Variants in GCH1 observed in about 807,000 individuals in gnomAD.
GCH1 encodes the protein GTP cyclohydrolase I.
In GCH1, 5 loss-of-function variants were observed where a neutral mutation model predicts 25.9. The ratio of observed to expected loss-of-function variants is 0.19; its 90% CI spans 0.10 to 0.41. The LOEUF (loss-of-function observed/expected upper bound fraction) is 0.41. Among genes scored for constraint, GCH1 ranks in the 10% least tolerant of loss-of-function variants. The probability of loss-of-function intolerance (pLI) is 1.00; values close to 1 mark genes in which losing one functional copy is unlikely to be tolerated. For missense variants in GCH1, 261 were observed against 336.5 expected (o/e 0.78, Z 1.75); for synonymous variants, 159 against 129.6 (o/e 1.23, Z -1.54).
At chr14:54,886,849 G>T (rs992179504) in intron 1 of GCH1, among the ~76,000 whole-genome samples, 1 of 152,068 alleles carries the variant, frequency 6.6e-6, no homozygotes, top group Non-Finnish European at 1.5e-5. Context: ...ACGCATCAGG[G>T]GTTATTGTAG....
At chr14:54,874,979 G>A (rs2040136905) in intron 1 of GCH1, among the ~76,000 whole-genome samples, 1 of 152,104 alleles carries the variant, frequency 6.6e-6, no homozygotes, top group Non-Finnish European at 1.5e-5. Context: ...CTGCTTTAAA[G>A]TTCATATGGA....
chr14:54,859,563 A>G, intron 3 of GCH1, 118 bp downstream of exon 3: 2 of 751,264 alleles, frequency 2.7e-6, no homozygotes, highest in South Asian at 2.8e-5. Context: ...AAGTTGCAAT[A>G]TGACTTCCAA....
Position 54,902,641 on chromosome 14 carries a change from G to A in GCH1, c.23C>T (p.Ala8Val). ...GGCGCCCCGCGGCTTCTCCGCCGGT[G>A]CCCGCACAGGGCCCTTCTCCATGGA... Reference protein sequence around the residue: MEKGPVRAPAEKPRGARC... With the variant: MEKGPVRVPAEKPRGARC... The change falls in exon 1 of 6, where the codon GCA (alanine) becomes GTA (valine). Residue 8 changes from alanine to valine, a missense_variant. Coordinates refer to ENST00000491895, the MANE Select transcript of GCH1 (RefSeq NM_000161.3). 1.3e-6 allele frequency: 2 copies of A among 1,482,918 alleles called. No individual in the cohort carries two copies. Among genetic ancestry groups the A allele is most frequent in the Non-Finnish European group, 1.8e-6 (2 of 1,121,586 alleles). 91.9% of individuals were successfully genotyped at this position (1,482,918 alleles called of 1,614,324 possible).
intron 3 of GCH1, among the ~76,000 whole-genome samples, chr14:54,850,778 T>G (rs2039717828): frequency 6.6e-6 from 1 of 152,182 alleles, no homozygotes; most frequent in African/African-American, 2.4e-5. Flanking sequence ...GGTTTCCAGC[T>G]TCATCCATGT....
chr14:54,845,846 T>C lies in GCH1; in HGVS notation c.548A>G (p.Glu183Gly). Residue 183 changes from glutamate (E) to glycine (G), a missense_variant, in exon 5 of 6, where the codon GAG becomes GGG. This residue lies in a region of GCH1 where 130 missense variants were observed against 184.1 expected (regional missense o/e 0.71). Transcript: ENST00000491895. Reference sequence around the variant, plus strand: ...TACAGCAATTTGTTTTGTAAGGCGCTCCTGAACTGTGGATGTGATAAGGAG... The same window carrying C: ...TACAGCAATTTGTTTTGTAAGGCGCCCCTGAACTGTGGATGTGATAAGGAG... ...EIYSRRLQVQ[E>G]RLTKQIAVAI... is the part of the protein sequence containing the mutation. 6.3e-7 allele frequency: 1 copy of C among 1,590,984 alleles called. No individual in the cohort carries two copies. The highest frequency in any genetic ancestry group is 8.6e-7 in the Non-Finnish European group (1 of 1,158,876).
rs765795942 is a variant in GCH1 at position 54,856,523 on chromosome 14, G to T, written c.509+3158C>A. Among the ~76,000 whole-genome samples, 3 of 152,112 alleles carry T rather than the reference G, an allele frequency of 2.0e-5. 1 individual carries two copies. The highest frequency in any genetic ancestry group is 4.4e-5 in the Non-Finnish European group (3 of 68,034). ...ACTGGAGTGCAGTGGTGAAATCTCG[G>T]CTCACTGCAACCTCCGCCTCCCAGG... On this transcript the variant is annotated intron_variant, in intron 3 of 5. Transcript: ENST00000491895.
intron 1 of GCH1, among the ~76,000 whole-genome samples, chr14:54,889,046 G>C (rs894128425): frequency 4.6e-5 from 7 of 152,230 alleles, no homozygotes; most frequent in African/African-American, 1.7e-4. Context: ...CATGGGATAA[G>C]TATGGCCTCC....
intron 2 of GCH1, among the ~76,000 whole-genome samples, chr14:54,861,980 A>AGATAC (rs2039903610): frequency 6.6e-6 from 1 of 152,172 alleles, no homozygotes; most frequent in Non-Finnish European, 1.5e-5. Context: ...CAGGATTTCC[A>AGATAC]GATACGATAT....
intron 1 of GCH1, among the ~76,000 whole-genome samples, chr14:54,892,240 G>T (rs1343591940): frequency 1.3e-5 from 2 of 152,184 alleles, no homozygotes; most frequent in African/African-American, 4.8e-5. Context: ...TCTGAATGAT[G>T]GCAATCCAGT....
chr14:54,867,613 A>G lies in GCH1; in HGVS notation c.344-2177T>C, dbSNP rs1490990288. Reference sequence around the variant, plus strand: ...TCAAAAAAAAAAAAAAAAAAAAAAAAAGATCTGGCTCCATCACTTACTAGT... The same window carrying G: ...TCAAAAAAAAAAAAAAAAAAAAAAAGAGATCTGGCTCCATCACTTACTAGT... On this transcript the variant is annotated intron_variant, in intron 1 of 5. Coordinates refer to ENST00000491895, the MANE Select transcript of GCH1 (RefSeq NM_000161.3). Among the ~76,000 whole-genome samples, 5 of 150,990 alleles carry G rather than the reference A, an allele frequency of 3.3e-5. No individual in the cohort carries two copies. The East Asian group carries it at 5.8e-4, about 18-fold the overall frequency.
chr14:54,862,379 C>CTTTTTT (rs892910613), intron 2 of GCH1, among the ~76,000 whole-genome samples: 1 of 57,400 alleles, frequency 1.7e-5, no homozygotes, highest in Non-Finnish European at 3.6e-5. Context: ...AAGCACTACT[C>CTTTTTT]TTTTTTTTTT....
intron 5 of GCH1, among the ~76,000 whole-genome samples, chr14:54,845,483 A>C (rs559416717): frequency 1.3e-5 from 2 of 152,130 alleles, no homozygotes; most frequent in East Asian, 3.9e-4. Flanking sequence ...ATCTCAAAAA[A>C]AAAAAAGGCT....
intron 1 of GCH1, among the ~76,000 whole-genome samples, chr14:54,869,164 G>T (rs762470773): frequency 3.3e-5 from 5 of 151,106 alleles, no homozygotes; most frequent in Non-Finnish European, 7.4e-5. Context: ...TCAGCCTCCC[G>T]AGTAGCTGGG....
At chr14:54,864,833 T>A (rs2039967798) in intron 2 of GCH1, among the ~76,000 whole-genome samples, 1 of 152,192 alleles carries the variant, frequency 6.6e-6, no homozygotes, top group African/African-American at 2.4e-5. Context: ...GATTCACTTT[T>A]CCTAATATAG....
intron 1 of GCH1, among the ~76,000 whole-genome samples, chr14:54,900,424 C>G (rs2040548623): frequency 6.6e-6 from 1 of 151,890 alleles, no homozygotes; most frequent in East Asian, 1.9e-4. Context: ...GTTGACCGGG[C>G]TGGTCTTGAA....
At chr14:54,891,224 T>C (rs2040418110) in intron 1 of GCH1, among the ~76,000 whole-genome samples, 1 of 152,110 alleles carries the variant, frequency 6.6e-6, no homozygotes, top group Non-Finnish European at 1.5e-5. Context: ...TGCCTCAGCC[T>C]CCCTAGCAGC....
chr14:54,888,745 G>C (rs1363470961), intron 1 of GCH1, among the ~76,000 whole-genome samples: 1 of 149,238 alleles, frequency 6.7e-6, no homozygotes, highest in African/African-American at 2.5e-5. Flanking sequence ...AGATGGTCTC[G>C]ATCTCCTGAC....
In GCH1 at chr14:54,843,191, G is replaced by T; in HGVS notation, c.*826C>A. Reference sequence around the variant, plus strand: ...AAAGGAAACTCAATAAACCTATAAAGTTAAAACTGAGCTGACTAGTTATTT... The same window carrying T: ...AAAGGAAACTCAATAAACCTATAAATTTAAAACTGAGCTGACTAGTTATTT... On this transcript the variant is annotated 3_prime_UTR_variant, in exon 6 of 6. Coordinates refer to ENST00000491895, the MANE Select transcript of GCH1 (RefSeq NM_000161.3). The T allele has an allele frequency of 2.7e-6, 4 of 1,465,490 alleles. No individual in the cohort carries two copies. Among genetic ancestry groups the T allele is most frequent in the South Asian group, 1.5e-5 (1 of 68,492 alleles). The allele number at this position is 1,465,490 out of a possible 1,614,324, so 90.8% of individuals were successfully genotyped here.
intron 3 of GCH1, among the ~76,000 whole-genome samples, chr14:54,853,600 G>C (rs2039766801): frequency 6.6e-6 from 1 of 152,188 alleles, no homozygotes; most frequent in Non-Finnish European, 1.5e-5. Flanking sequence ...CCCAGCATCA[G>C]TAGTTGTCAG....
Sources: allele counts gnomAD v4.1 joint callset (sites outside exome capture counted in the v4.1 genomes callset), GRCh38; gene constraint gnomAD v4.1.1; regional missense constraint gnomAD v4.1.1; transcripts MANE v1.5; gene names NCBI Gene and HGNC (gene_info 2026-07-23, HGNC 2026-07-21).